The following SYT1 variants were observed in gnomAD, a reference collection of about 807,000 sequenced individuals.
The protein encoded by SYT1 is synaptotagmin 1.
In SYT1, 8 loss-of-function variants were observed where a neutral mutation model predicts 44.8. That is an observed-to-expected ratio of 0.18 (90% CI 0.10 to 0.32). The LOEUF is 0.32. Ranked by LOEUF, SYT1 falls within the 10% of genes least tolerant of loss-of-function variation. The pLI is 1.00. For missense variants in SYT1, 286 were observed against 509.3 expected (o/e 0.56, Z 4.22); for synonymous variants, 154 against 188.8 (o/e 0.82, Z 1.51).
chr12:79,287,338 G>T (rs956291955), intron 5 of SYT1, among the ~76,000 whole-genome samples: 6 of 152,030 alleles, frequency 3.9e-5, no homozygotes, highest in Non-Finnish European at 7.4e-5. Flanking sequence ...TCAACTACAG[G>T]TGTCTAATAA....
chr12:78,950,981 T>C (rs1013207569), intron 1 of SYT1, among the ~76,000 whole-genome samples: 17 of 152,096 alleles, frequency 1.1e-4, no homozygotes, highest in Non-Finnish European at 1.3e-4. Flanking sequence ...ACATCACCCA[T>C]GGACATCAAA....
At chr12:79,187,785 A>G (rs1428773002) in intron 3 of SYT1, among the ~76,000 whole-genome samples, 1 of 152,116 alleles carries the variant, frequency 6.6e-6, no homozygotes, top group Admixed American at 6.6e-5. Flanking sequence ...GAACCTTCCC[A>G]AGACCACTAG....
intron 7 of SYT1, 54 bp from the exon 8 acceptor site, chr12:79,299,330 A>G: frequency 6.4e-6 from 10 of 1,567,596 alleles, no homozygotes; most frequent in Non-Finnish European, 8.7e-6. Context: ...AACAAGTAAC[A>G]TGTTTTAAGC....
chr12:79,169,197 G>A (rs115524506), intron 3 of SYT1, among the ~76,000 whole-genome samples: 5,949 of 152,056 alleles, frequency 0.039, 405 homozygotes, highest in African/African-American at 0.13. Flanking sequence ...TTTTTTTGAA[G>A]TAATTCTTAT....
chr12:79,341,802 G>A (rs1882387369), intron 8 of SYT1, among the ~76,000 whole-genome samples: 1 of 151,348 alleles, frequency 6.6e-6, no homozygotes, highest in South Asian at 2.1e-4. Context: ...CCAAGTAGCT[G>A]GGACTATAGG....
intron 1 of SYT1, among the ~76,000 whole-genome samples, chr12:78,870,777 C>T (rs1024976094): frequency 6.6e-6 from 1 of 152,020 alleles, no homozygotes; most frequent in African/African-American, 2.4e-5. Context: ...CCTTGCATGT[C>T]ACTCCATGCC....
At chr12:79,236,223 G>A (rs1765583585) in intron 4 of SYT1, among the ~76,000 whole-genome samples, 1 of 152,160 alleles carries the variant, frequency 6.6e-6, no homozygotes. Flanking sequence ...GAACATGCAA[G>A]TCCCTTGTTC....
intron 3 of SYT1, among the ~76,000 whole-genome samples, chr12:79,187,769 A>T (rs551903312): frequency 1.1e-4 from 16 of 152,122 alleles, no homozygotes; most frequent in Admixed American, 9.8e-4. Context: ...GGTAGTGAAC[A>T]AAAGGGAACC....
chr12:79,065,898 C>T (rs561740078), intron 3 of SYT1, among the ~76,000 whole-genome samples: 17 of 150,936 alleles, frequency 1.1e-4, no homozygotes, highest in East Asian at 2.0e-4. Flanking sequence ...TTAAAAATTA[C>T]GGGGGGGAAG....
intron 1 of SYT1, among the ~76,000 whole-genome samples, chr12:78,882,184 T>G (rs1260780330): frequency 6.6e-6 from 1 of 151,744 alleles, no homozygotes; most frequent in South Asian, 2.1e-4. Flanking sequence ...AATGGGGAGA[T>G]GATAAGATGC....
At chr12:79,279,296 A>G (rs1878915546) in intron 4 of SYT1, among the ~76,000 whole-genome samples, 1 of 152,110 alleles carries the variant, frequency 6.6e-6, no homozygotes, top group South Asian at 2.1e-4. Context: ...AAATTAATTC[A>G]CCGCAATCAA....
intron 4 of SYT1, among the ~76,000 whole-genome samples, chr12:79,251,198 G>A (rs578244065): frequency 3.3e-5 from 5 of 152,108 alleles, no homozygotes; most frequent in African/African-American, 4.8e-5. Flanking sequence ...TGACTCACCA[G>A]ACCTGAGACT....
intron 8 of SYT1, among the ~76,000 whole-genome samples, chr12:79,316,094 G>A (rs575714833): frequency 3.5e-4 from 53 of 152,244 alleles, no homozygotes; most frequent in African/African-American, 9.4e-4. Flanking sequence ...TCTTGACAAC[G>A]CTATACACAG....
At chr12:79,149,197 C>T (rs1054372489) in intron 3 of SYT1, among the ~76,000 whole-genome samples, 3 of 151,772 alleles carry the variant, frequency 2.0e-5, no homozygotes, top group Admixed American at 6.6e-5. Flanking sequence ...TCTATTTGAC[C>T]TTTTGAATTA....
intron 3 of SYT1, among the ~76,000 whole-genome samples, chr12:79,056,065 C>T (rs1202518608): frequency 6.6e-6 from 1 of 151,960 alleles, no homozygotes; most frequent in Non-Finnish European, 1.5e-5. Context: ...GAACAAAAGG[C>T]TAAACCATAC....
At chr12:79,178,961 G>GATATATCT (rs1442569757) in intron 3 of SYT1, among the ~76,000 whole-genome samples, 1 of 19,536 alleles carries the variant, frequency 5.1e-5, no homozygotes, top group Non-Finnish European at 9.5e-5. Context: ...TATAGATATA[G>GATATATCT]ATATAGATAT....
chr12:79,037,222 C>T (rs1021764314), intron 2 of SYT1, among the ~76,000 whole-genome samples: 1 of 151,438 alleles, frequency 6.6e-6, no homozygotes, highest in African/African-American at 2.4e-5. Flanking sequence ...TTTGATAGTG[C>T]CCTTATCGTC....
intron 4 of SYT1, among the ~76,000 whole-genome samples, chr12:79,269,695 T>C (rs185897086): frequency 1.3e-5 from 2 of 150,176 alleles, no homozygotes; most frequent in African/African-American, 4.9e-5. Context: ...TATGAAAAAG[T>C]ACACACACAC....
chr12:78,901,547 T>A (rs1411680882), intron 1 of SYT1, among the ~76,000 whole-genome samples: 1 of 152,160 alleles, frequency 6.6e-6, no homozygotes, highest in East Asian at 1.9e-4. Flanking sequence ...TACTTTTGCT[T>A]TTGATTTTAG....
Sources: gnomAD v4.1 joint callset for allele counts (sites outside exome capture counted in the v4.1 genomes callset) on GRCh38, gnomAD v4.1.1 for gene constraint, MANE v1.5 for transcripts, NCBI Gene and HGNC (gene_info 2026-07-23, HGNC 2026-07-21) for gene names.